Variants in LRRC20 observed in about 807,000 individuals in gnomAD.
LRRC20 encodes leucine rich repeat containing 20.
A neutral mutation model predicts 14.4 loss-of-function variants in LRRC20; 11 were observed. The observed-to-expected ratio is 0.77, with a 90% CI of 0.48 to 1.27. The LOEUF is 1.27. Ranked by LOEUF, LRRC20 falls within the 50% of genes most tolerant of loss-of-function variation. The pLI is 0.00. For missense variants in LRRC20, 219 were observed against 251.2 expected, an observed-to-expected ratio of 0.87 and a Z score of 0.87; for synonymous variants, 121 against 107.3, an observed-to-expected ratio of 1.13 and a Z score of -0.79.
intron 4 of LRRC20, among the ~76,000 whole-genome samples, chr10:70,311,867 A>G (rs779354278): frequency 2.0e-5 from 3 of 152,226 alleles, no homozygotes; most frequent in African/African-American, 4.8e-5. Context: ...TAGAGTAATC[A>G]ATAATAGTAG....
intron 2 of LRRC20, among the ~76,000 whole-genome samples, chr10:70,354,492 G>A (rs1843450390): frequency 6.6e-6 from 1 of 152,160 alleles, no homozygotes; most frequent in Non-Finnish European, 1.5e-5. Context: ...TTGTCAGAAA[G>A]GCACATTCTC....
At chr10:70,354,410 C>G (rs565992860) in intron 2 of LRRC20, among the ~76,000 whole-genome samples, 35 of 152,288 alleles carry the variant, frequency 2.3e-4, no homozygotes, top group African/African-American at 8.2e-4. Flanking sequence ...CACTAAGTAG[C>G]AAGGGCTACT....
chr10:70,355,617 T>C (rs1319444671), intron 2 of LRRC20, among the ~76,000 whole-genome samples: 3 of 152,302 alleles, frequency 2.0e-5, no homozygotes, highest in African/African-American at 7.2e-5. Context: ...GATTTTTTTC[T>C]TTCACTTCCT....
At chr10:70,307,018 A>T (rs1324787003) in intron 4 of LRRC20, among the ~76,000 whole-genome samples, 1 of 152,238 alleles carries the variant, frequency 6.6e-6, no homozygotes, top group Non-Finnish European at 1.5e-5. Flanking sequence ...ACATGGCTCC[A>T]GCACTTTTTG....
At chr10:70,367,905 C>T (rs1844075710) in intron 2 of LRRC20, among the ~76,000 whole-genome samples, 1 of 142,342 alleles carries the variant, frequency 7.0e-6, no homozygotes, top group Non-Finnish European at 1.5e-5. Flanking sequence ...CTACCAGCCC[C>T]CGCCCTCACA....
At chr10:70,315,534 A>C (rs1347996992) in intron 4 of LRRC20, among the ~76,000 whole-genome samples, 1 of 152,238 alleles carries the variant, frequency 6.6e-6, no homozygotes. Flanking sequence ...AAGACTGTTT[A>C]CAAATTGATT....
At chr10:70,305,714 T>C (rs1195708114) in intron 4 of LRRC20, among the ~76,000 whole-genome samples, 1 of 151,498 alleles carries the variant, frequency 6.6e-6, no homozygotes, top group African/African-American at 2.4e-5. Flanking sequence ...CTAGCAAAAA[T>C]ACCAGATGAC....
At position 70,323,855 on chromosome 10, in the gene LRRC20, C is replaced by G; in HGVS notation, c.400+8G>C. 6.2e-7 allele frequency: 1 copy of G among 1,613,986 alleles called. No homozygotes were observed. Among genetic ancestry groups the G allele is most frequent in the South Asian group, 1.1e-5 (1 of 91,080 alleles). ...CAGCCCAGGGCCAGGTGGGCCAGGC[C>G]CACTCACCTACGATCTCGTTCTCCT... On this transcript the variant is annotated splice_region_variant and intron_variant, in intron 4 of 4. Coordinates refer to ENST00000446961, the MANE Select transcript of LRRC20 (RefSeq NM_001278212.2).
At chr10:70,345,304 T>C (rs1843036961) in intron 2 of LRRC20, among the ~76,000 whole-genome samples, 1 of 152,078 alleles carries the variant, frequency 6.6e-6, no homozygotes, top group Non-Finnish European at 1.5e-5. Flanking sequence ...AGACTCAATC[T>C]AAGAATCAAA....
In LRRC20 at chr10:70,379,206, C is replaced by T. The variant is rs181039958; in HGVS notation, c.-63-2610G>A. ...CCAAATGCCTAATAGTGCCAGGTGG[C>T]CAATCTGCATAAGGCGAGCCAGTGC... On this transcript the variant is annotated intron_variant, in intron 1 of 4. Coordinates refer to ENST00000446961, the MANE Select transcript of LRRC20 (RefSeq NM_001278212.2). Among the ~76,000 whole-genome samples the T allele has an allele frequency of 7.0e-4, 107 of 152,306 alleles. No homozygotes were observed. In the Middle Eastern group the frequency reaches 0.014, roughly 19 times the overall value.
chr10:70,322,709 T>C (rs371097087), intron 4 of LRRC20, among the ~76,000 whole-genome samples: 8 of 152,264 alleles, frequency 5.3e-5, no homozygotes, highest in African/African-American at 1.7e-4. Flanking sequence ...CACAGGGCTG[T>C]TGTGGAATCA....
intron 4 of LRRC20, among the ~76,000 whole-genome samples, chr10:70,322,740 G>A (rs546849651): frequency 3.9e-5 from 6 of 152,128 alleles, no homozygotes; most frequent in Admixed American, 1.3e-4. Context: ...TCCTGGCACC[G>A]CGGCAGTCTC....
In LRRC20 at chr10:70,301,167, C is replaced by T. The variant is rs1173092968; in HGVS notation, c.*187G>A. The T allele has an allele frequency of 2.2e-6, 3 of 1,385,972 alleles. No homozygotes were observed. Among genetic ancestry groups the T allele is most frequent in the Admixed American group, 6.5e-5 (2 of 30,708 alleles). The allele number at this position is 1,385,972 out of a possible 1,614,324, so 85.9% of individuals were successfully genotyped here. A position where few individuals can be genotyped will look rare whatever the true frequency, so the allele number is the denominator to read the frequency against. On this transcript the variant is annotated 3_prime_UTR_variant, in exon 5 of 5. Coordinates refer to ENST00000446961, the MANE Select transcript of LRRC20 (RefSeq NM_001278212.2). ...CTGCAGGCCCCACCTTGCCTCTTCC[C>T]TTGGGCATTCCAGAGCCCACTACTG...
intron 4 of LRRC20, among the ~76,000 whole-genome samples, chr10:70,311,795 GGC>G (rs1841677673): frequency 6.6e-6 from 1 of 152,170 alleles, no homozygotes; most frequent in East Asian, 1.9e-4. Context: ...ACTATGCACT[GGC>G]TGGCCCTCCT....
chr10:70,336,224 C>T (rs1486957758), intron 3 of LRRC20, among the ~76,000 whole-genome samples: 1 of 152,164 alleles, frequency 6.6e-6, no homozygotes, highest in Non-Finnish European at 1.5e-5. Flanking sequence ...ACAGCCACAC[C>T]GAACCCAATG....
chr10:70,324,647 C>T (rs1030934872), intron 3 of LRRC20, among the ~76,000 whole-genome samples: 3 of 152,162 alleles, frequency 2.0e-5, no homozygotes, highest in African/African-American at 7.2e-5. Flanking sequence ...GCTGGGAACC[C>T]GGCTGAGGCA....
intron 4 of LRRC20, 102 bp from the exon 5 acceptor site, chr10:70,301,610 A>C: frequency 2.1e-6 from 3 of 1,396,060 alleles, no homozygotes; most frequent in Non-Finnish European, 3.0e-6. Context: ...GGTGAGGGGC[A>C]GCTCTCCATT....
intron 1 of LRRC20, among the ~76,000 whole-genome samples, chr10:70,377,400 C>T (rs1184787689): frequency 6.6e-6 from 1 of 152,156 alleles, no homozygotes; most frequent in Non-Finnish European, 1.5e-5. Context: ...ACCCTCAACT[C>T]CCTGTTTATT....
At chr10:70,319,922 G>A (rs532077886) in intron 4 of LRRC20, among the ~76,000 whole-genome samples, 2 of 152,206 alleles carry the variant, frequency 1.3e-5, no homozygotes, top group Non-Finnish European at 2.9e-5. Flanking sequence ...ATCTGGGTGG[G>A]AGACACCTGC....
Sources: allele counts gnomAD v4.1 joint callset (sites outside exome capture counted in the v4.1 genomes callset), GRCh38; gene constraint gnomAD v4.1.1; transcripts MANE v1.5; gene names NCBI Gene and HGNC (gene_info 2026-07-23, HGNC 2026-07-21).